PHF8: variants seen among roughly 807,000 people sequenced by gnomAD.
PHF8 encodes PHD finger protein 8, also known as histone lysine demethylase PHF8.
Under a neutral mutation model 74.4 loss-of-function variants are expected in PHF8, and 9 were observed. That is an observed-to-expected ratio of 0.12 (90% CI 0.07 to 0.21). The LOEUF (loss-of-function observed/expected upper bound fraction) is 0.21, where lower values mean the gene tolerates loss of function less well. PHF8 is among the 10% of genes least tolerant of loss of function. PHF8 has a pLI of 1.00. For synonymous variants in PHF8, 311 were observed against 316.6 expected, an observed-to-expected ratio of 0.98 and a Z score of 0.19; for missense variants, 478 against 816.6, an observed-to-expected ratio of 0.59 and a Z score of 5.05.
chrX:54,028,020 A>ACC (rs2066297233), intron 2 of PHF8, among the ~76,000 whole-genome samples: 1 of 106,997 alleles, frequency 9.3e-6, no homozygotes, highest in African/African-American at 3.5e-5. Flanking sequence ...ACACACACAC[A>ACC]ATGGGGGGGC....
At chrX:54,026,180 C>T (rs1422281549) in intron 2 of PHF8, among the ~76,000 whole-genome samples, 2 of 109,993 alleles carry the variant, frequency 1.8e-5, no homozygotes, top group East Asian at 5.7e-4. Flanking sequence ...ATGGTGAAAC[C>T]CCATCTCTAC....
chrX:54,005,622 TA>T (rs782521734), intron 8 of PHF8, among the ~76,000 whole-genome samples: 869 of 67,326 alleles, frequency 0.013, 10 homozygotes, highest in African/African-American at 0.033. Context: ...GCAGAAAACT[TA>T]AAAAAAAAAA....
At chrX:53,947,584 A>G (rs1253413141) in intron 19 of PHF8, among the ~76,000 whole-genome samples, 1 of 112,166 alleles carries the variant, frequency 8.9e-6, no homozygotes, top group Non-Finnish European at 1.9e-5. Context: ...ATAGTTTTGT[A>G]TGTGTGGTGG....
chrX:53,953,876 T>G (rs1176453612), intron 19 of PHF8, among the ~76,000 whole-genome samples: 1 of 111,232 alleles, frequency 9.0e-6, no homozygotes, highest in Non-Finnish European at 1.9e-5. Flanking sequence ...ACACACAGTT[T>G]AGATTTGAAG....
At chrX:53,958,733 G>A (rs965492981) in intron 19 of PHF8, among the ~76,000 whole-genome samples, 4 of 87,225 alleles carry the variant, frequency 4.6e-5, no homozygotes, top group Non-Finnish European at 8.4e-5. Context: ...CAGAGATCGC[G>A]CCACTGCACT....
chrX:54,004,431 A>G (rs1216605334), intron 8 of PHF8, among the ~76,000 whole-genome samples: 1 of 111,645 alleles, frequency 9.0e-6, no homozygotes, highest in African/African-American at 3.3e-5. Flanking sequence ...GACTTGTAAA[A>G]CAATAGACAA....
chrX:53,978,463 A>G (rs1345642805), intron 18 of PHF8, among the ~76,000 whole-genome samples: 3 of 112,138 alleles, frequency 2.7e-5, no homozygotes, highest in Non-Finnish European at 3.8e-5. Flanking sequence ...GCAATAAAAA[A>G]GAACAAGCTT....
chrX:54,016,256 G>A (rs113848780), intron 6 of PHF8, among the ~76,000 whole-genome samples: 1,149 of 111,075 alleles, frequency 0.01, 15 homozygotes, highest in African/African-American at 0.036. Context: ...TACTTTGGGA[G>A]GCCAAGGCGG....
chrX:53,964,513 G>T (rs2065150133), intron 18 of PHF8, among the ~76,000 whole-genome samples: 1 of 111,400 alleles, frequency 9.0e-6, no homozygotes, highest in African/African-American at 3.3e-5. Context: ...AAAAAGGCCA[G>T]AACAAATGCT....
At chrX:53,943,327 T>C in intron 20 of PHF8, 1 of 875,004 alleles carries the variant, frequency 1.1e-6, no homozygotes, top group Non-Finnish European at 1.6e-6. Context: ...AGTTAGAGGA[T>C]ATGAGTTTGA....
At position 54,022,505 on chromosome X, in the gene PHF8, T is replaced by G. The variant is rs782816145; in HGVS notation, c.185-138A>C. ...CTGGAGTCAATGAGGCCCTCACAGATTCAGGAAAGTTCCTGGTGAAGATGG... is the reference window on the plus strand; with the variant it reads ...CTGGAGTCAATGAGGCCCTCACAGAGTCAGGAAAGTTCCTGGTGAAGATGG... On this transcript the variant is annotated intron_variant, in intron 3 of 21. Transcript: ENST00000338154. 2.1e-5 allele frequency: 11 copies of G among 531,918 alleles called. No homozygotes were observed. In the Middle Eastern group the frequency reaches 1.3e-3, roughly 62 times the overall value. The allele number at this position is 531,918 out of a possible 1,213,427, so 43.8% of individuals were successfully genotyped here. A position where few individuals can be genotyped will look rare whatever the true frequency, so the allele number is the denominator to read the frequency against.
Position 53,940,163 on chromosome X carries a change from C to G in PHF8, c.2986+17G>C, listed in dbSNP as rs782040514. The G allele has an allele frequency of 2.6e-5, 30 of 1,143,146 alleles. No individual in the cohort carries two copies. The highest frequency in any genetic ancestry group is 3.4e-5 in the Non-Finnish European group (29 of 850,700). 94.2% of individuals were successfully genotyped at this position (1,143,146 alleles called of 1,213,427 possible). On this transcript the variant is annotated intron_variant, in intron 21 of 21. Coordinates refer to ENST00000338154, the MANE Select transcript of PHF8 (RefSeq NM_015107.3). ...GCTCTAAGATCCTTCGGTTCTACAA[C>G]CATATGGCCGTTGTACCTTGTCCTG...
chrX:53,967,365 G>A (rs1557093240), intron 18 of PHF8, among the ~76,000 whole-genome samples: 2 of 67,666 alleles, frequency 3.0e-5, no homozygotes, highest in Non-Finnish European at 5.9e-5. Flanking sequence ...GGAGGGAGGT[G>A]GGGGGTCAGC....
At chrX:53,942,502 GTTTC>G (rs1264587655) in intron 20 of PHF8, 1 of 118,706 alleles carries the variant, frequency 8.4e-6, no homozygotes, top group Non-Finnish European at 1.7e-5. Context: ...AGAAAGATCT[GTTTC>G]TTTCTTTCGT....
Position 53,958,043 on chromosome X carries a change from A to AT in PHF8, c.2539+4800dup, listed in dbSNP as rs372976681. Among the ~76,000 whole-genome samples the AT allele has an allele frequency of 1.4e-3, 135 of 96,744 alleles. 2 individuals are homozygous for AT. The highest frequency in any genetic ancestry group is 3.8e-3 in the East Asian group (12 of 3,199). The allele number at this position is 96,744 out of a possible 115,157, so 84.0% of individuals were successfully genotyped here. On this transcript the variant is annotated intron_variant, in intron 19 of 21. Transcript: ENST00000338154. Reference sequence around the variant, plus strand: ...ACTTCTGCAATAAGTATCAAGAACTATTTTTTTTTTTTTTTTGAGATGAAG... The same window carrying AT: ...ACTTCTGCAATAAGTATCAAGAACTATTTTTTTTTTTTTTTTTGAGATGAAG...
At chrX:54,044,864 G>A, upstream of PHF8, 2 of 1,152,528 alleles carry the variant, frequency 1.7e-6, no homozygotes, top group Non-Finnish European at 2.3e-6. Context: ...GGGTAGAGGC[G>A]GAGTACTCAC....
intron 19 of PHF8, among the ~76,000 whole-genome samples, chrX:53,951,025 C>A (rs1353437708): frequency 8.9e-6 from 1 of 112,231 alleles, no homozygotes; most frequent in African/African-American, 3.2e-5. Flanking sequence ...GAGACCATGT[C>A]TAAGGAACTA....
At position 54,040,315 on chromosome X, in the gene PHF8, T is replaced by C. The variant is rs1251409595; in HGVS notation, c.98+2316A>G. Among the ~76,000 whole-genome samples, 3 of 111,108 alleles carry C rather than the reference T, an allele frequency of 2.7e-5. No homozygotes were observed. The East Asian group carries it at 8.5e-4, about 32-fold the overall frequency. On this transcript the variant is annotated intron_variant, in intron 2 of 21. Coordinates refer to ENST00000338154, the MANE Select transcript of PHF8 (RefSeq NM_015107.3). ...AAAGTAAGGGCCCCAGGCAACAGCTTTTTTTCATGAAGACTCATTAACTCA... is the reference window on the plus strand; with the variant it reads ...AAAGTAAGGGCCCCAGGCAACAGCTCTTTTTCATGAAGACTCATTAACTCA...
chrX:53,986,938 T>C, intron 16 of PHF8, 140 bp downstream of exon 16: 1 of 467,811 alleles, frequency 2.1e-6, no homozygotes, highest in Non-Finnish European at 3.8e-6. Context: ...CAAAAAATAA[T>C]AGTAATAATA....
Sources: allele counts gnomAD v4.1 joint callset (sites outside exome capture counted in the v4.1 genomes callset), GRCh38; gene constraint gnomAD v4.1.1; transcripts MANE v1.5; gene names NCBI Gene and HGNC (gene_info 2026-07-23, HGNC 2026-07-21).